The following SPPL3 variants were observed in gnomAD, a reference collection of about 807,000 sequenced individuals.
SPPL3 encodes signal peptide peptidase like 3, also known as signal peptide peptidase-like 3.
A neutral mutation model predicts 42.4 loss-of-function variants in SPPL3; 5 were observed. The observed-to-expected ratio is 0.12, with a 90% confidence interval of 0.06 to 0.25. The LOEUF (loss-of-function observed/expected upper bound fraction) is 0.25, where lower values mean the gene tolerates loss of function less well. SPPL3 is among the 10% of genes least tolerant of loss of function. The pLI, the probability that SPPL3 is intolerant of heterozygous loss-of-function variation, is 1.00. For missense variants in SPPL3, 235 were observed against 489.0 expected (o/e 0.48, Z 4.90); for synonymous variants, 195 against 181.8 (o/e 1.07, Z -0.58).
At chr12:120,846,439 C>T (rs529981421) in intron 1 of SPPL3, among the ~76,000 whole-genome samples, 1 of 152,016 alleles carries the variant, frequency 6.6e-6, no homozygotes, top group South Asian at 2.1e-4. Context: ...TTTAAATTGA[C>T]GAAATAATCG....
At chr12:120,867,883 G>T (rs2137047324) in intron 1 of SPPL3, among the ~76,000 whole-genome samples, 1 of 151,976 alleles carries the variant, frequency 6.6e-6, no homozygotes, top group East Asian at 2.0e-4. Flanking sequence ...GAGTAGCTGG[G>T]ATTACAGGCA....
intron 6 of SPPL3, chr12:120,769,584 TG>T (rs1869039212): frequency 6.5e-6 from 1 of 154,064 alleles, no homozygotes. Flanking sequence ...GGAGTCTCGC[TG>T]TATCACCCAG....
intron 2 of SPPL3, chr12:120,791,777 C>T: frequency 2.1e-6 from 1 of 475,364 alleles, no homozygotes; most frequent in Non-Finnish European, 3.7e-6. Context: ...CATCCCAATG[C>T]AGCTGAATCT....
intron 6 of SPPL3, 22 bp downstream of exon 6, chr12:120,782,633 T>C (rs1311514918): frequency 1.3e-6 from 2 of 1,529,768 alleles, no homozygotes; most frequent in South Asian, 1.2e-5. Flanking sequence ...AAATTACAAT[T>C]TGTCACAAAT....
chr12:120,875,782 T>C (rs535851513), intron 1 of SPPL3, among the ~76,000 whole-genome samples: 2 of 152,306 alleles, frequency 1.3e-5, no homozygotes, highest in South Asian at 4.1e-4. Context: ...ATGTAAATGA[T>C]ACACCTAGTC....
At chr12:120,851,905 G>C (rs1029541957) in intron 1 of SPPL3, among the ~76,000 whole-genome samples, 1 of 152,054 alleles carries the variant, frequency 6.6e-6, no homozygotes, top group Non-Finnish European at 1.5e-5. Flanking sequence ...TACCTGGCCC[G>C]TTTCACACTG....
In SPPL3 at chr12:120,784,187, A is replaced by G. The variant is rs1156823967; in HGVS notation, c.310+287T>C. On this transcript the variant is annotated intron_variant, in intron 4 of 10. Transcript: ENST00000353487. ...CTTCTGGTAATCTAGAAAAAGCGCC[A>G]CAGCCAAAGCACAGCAATACTGCTC... The G allele has an allele frequency of 2.3e-5, 6 of 259,478 alleles. No homozygotes were observed. The East Asian group carries it at 4.1e-4, about 18-fold the overall frequency. 16.1% of individuals were successfully genotyped at this position (259,478 alleles called of 1,614,324 possible).
chr12:120,812,399 T>C (rs1162184251), intron 1 of SPPL3, among the ~76,000 whole-genome samples: 1 of 152,104 alleles, frequency 6.6e-6, no homozygotes, highest in Admixed American at 6.6e-5. Context: ...CCCAAAGTGT[T>C]GGGATTACAG....
At chr12:120,766,045 G>T (rs1357252032) in intron 10 of SPPL3, among the ~76,000 whole-genome samples, 1 of 151,798 alleles carries the variant, frequency 6.6e-6, no homozygotes, top group African/African-American at 2.4e-5. Context: ...AGCATTTTCT[G>T]TCAGTGGCTG....
At chr12:120,895,220 G>A (rs982889316) in intron 1 of SPPL3, among the ~76,000 whole-genome samples, 1 of 152,126 alleles carries the variant, frequency 6.6e-6, no homozygotes, top group Non-Finnish European at 1.5e-5. Flanking sequence ...CTGAGATCAG[G>A]AGTTGGAGAT....
rs76357062 is a variant in SPPL3 at position 120,821,669 on chromosome 12, A to G, written c.24-10783T>C. ...ACATGCTGGTTGAAATTACTATTTC[A>G]TAAGAAAAATGCTACTGGATATCTA... On this transcript the variant is annotated intron_variant, in intron 1 of 10. Transcript: ENST00000353487. 3.4e-3 allele frequency among the ~76,000 whole-genome samples: 522 copies of G among 152,368 alleles called. 3 individuals carry two copies. Among genetic ancestry groups the G allele is most frequent in the African/African-American group, 0.012 (503 of 41,588 alleles).
chr12:120,817,803 A>G (rs1392311432), intron 1 of SPPL3, among the ~76,000 whole-genome samples: 3 of 152,182 alleles, frequency 2.0e-5, no homozygotes, highest in African/African-American at 7.2e-5. Flanking sequence ...ACTGCTGGTA[A>G]CGACAGGGAG....
chr12:120,897,791 TTC>T (rs1873855367), intron 1 of SPPL3, among the ~76,000 whole-genome samples: 1 of 152,160 alleles, frequency 6.6e-6, no homozygotes, highest in African/African-American at 2.4e-5. Flanking sequence ...TTCAACTACT[TTC>T]TCTCTGAAAA....
Position 120,855,424 on chromosome 12 carries a change from AG to A in SPPL3, c.24-44539del, listed in dbSNP as rs1309702603. On this transcript the variant is annotated intron_variant, in intron 1 of 10. Coordinates refer to ENST00000353487, the MANE Select transcript of SPPL3 (RefSeq NM_139015.5). ...AAAAACAGGCCAGGCGCTGTGGCTC[AG>A]GCCTGTAATCCTAGCACTTTGGGAG... Among the ~76,000 whole-genome samples the A allele has an allele frequency of 2.0e-5, 3 of 152,168 alleles. No homozygotes were observed. In the East Asian group the frequency reaches 5.8e-4, roughly 29 times the overall value.
intron 1 of SPPL3, among the ~76,000 whole-genome samples, chr12:120,881,900 G>A (rs1403733512): frequency 6.6e-6 from 1 of 152,058 alleles, no homozygotes; most frequent in Non-Finnish European, 1.5e-5. Flanking sequence ...GGTTGCCAGG[G>A]TGTGGGGAGA....
At chr12:120,817,389 CATT>C (rs1227333455) in intron 1 of SPPL3, among the ~76,000 whole-genome samples, 1 of 152,188 alleles carries the variant, frequency 6.6e-6, no homozygotes, top group East Asian at 1.9e-4. Flanking sequence ...TGTTGCCCAT[CATT>C]GACATAGCCA....
At chr12:120,848,362 C>T (rs1200147267) in intron 1 of SPPL3, among the ~76,000 whole-genome samples, 3 of 152,142 alleles carry the variant, frequency 2.0e-5, no homozygotes, top group African/African-American at 4.8e-5. Flanking sequence ...CACCATGGGT[C>T]TAGAGTTATT....
rs184990880 is a variant in SPPL3 at position 120,783,772 on chromosome 12, A to G, written c.311-20T>C. 1 of 1,607,012 alleles carries G rather than the reference A, an allele frequency of 6.2e-7. No individual in the cohort carries two copies. The highest frequency in any genetic ancestry group is 8.5e-7 in the Non-Finnish European group (1 of 1,175,118). Reference sequence around the variant, plus strand: ...CAAGAACTAGAGAAAGAAAAGGTATAATTTTTTAAAACAATTATAAGAAAA... The same window carrying G: ...CAAGAACTAGAGAAAGAAAAGGTATGATTTTTTAAAACAATTATAAGAAAA... On this transcript the variant is annotated intron_variant, in intron 4 of 10. Transcript: ENST00000353487.
intron 1 of SPPL3, among the ~76,000 whole-genome samples, chr12:120,844,813 C>A (rs77116910): frequency 0.028 from 4,285 of 151,684 alleles, 194 homozygotes; most frequent in African/African-American, 0.097. Context: ...CAAGGGCCCA[C>A]GGGCCTACAT....
Sources: allele counts gnomAD v4.1 joint callset (sites outside exome capture counted in the v4.1 genomes callset), GRCh38; gene constraint gnomAD v4.1.1; transcripts MANE v1.5; gene names NCBI Gene and HGNC (gene_info 2026-07-23, HGNC 2026-07-21).